Variants in MTHFD2L observed in about 807,000 individuals in gnomAD.
MTHFD2L encodes bifunctional methylenetetrahydrofolate dehydrogenase/cyclohydrolase 2, mitochondrial.
A neutral mutation model predicts 34.9 loss-of-function variants in MTHFD2L; 29 were observed. That is an observed-to-expected ratio of 0.83 (90% CI 0.62 to 1.13). The LOEUF (loss-of-function observed/expected upper bound fraction) is 1.13. Among genes scored for constraint, MTHFD2L ranks in the 50% most tolerant of loss-of-function variants. The pLI is 0.00. For synonymous variants in MTHFD2L, 167 were observed against 155.7 expected, an observed-to-expected ratio of 1.07 and a Z score of -0.54; for missense variants, 481 against 446.5, an observed-to-expected ratio of 1.08 and a Z score of -0.70.
chr4:74,141,732 T>C (rs1723284336), intron 1 of MTHFD2L, among the ~76,000 whole-genome samples: 1 of 152,188 alleles, frequency 6.6e-6, no homozygotes, highest in South Asian at 2.1e-4. Context: ...ATTATTCTTG[T>C]AACTAAAGGG....
chr4:74,166,088 T>C (rs963191464), intron 1 of MTHFD2L, among the ~76,000 whole-genome samples: 3 of 152,244 alleles, frequency 2.0e-5, no homozygotes, highest in African/African-American at 7.2e-5. Context: ...TTCTCAGACA[T>C]TGAACTATTT....
At position 74,150,497 on chromosome 4, in the gene MTHFD2L, G is replaced by T. The variant is rs556285414; in HGVS notation, c.-296-9558G>T. Among the ~76,000 whole-genome samples the T allele has an allele frequency of 9.5e-4, 144 of 152,202 alleles. 4 individuals carry two copies. The South Asian group carries it at 0.018, about 19-fold the overall frequency. On this transcript the variant is annotated intron_variant, in intron 1 of 7. Transcript: ENST00000433372. ...TCAAACTGCCGACCTCGGGTGATCC[G>T]CCCGCCTAGGCTTCCCAAAGTCCTG... is the stretch of plus-strand genomic sequence containing the variant.
chr4:74,234,026 A>G (rs183236873), intron 6 of MTHFD2L, among the ~76,000 whole-genome samples: 4 of 152,182 alleles, frequency 2.6e-5, no homozygotes, highest in Admixed American at 2.6e-4. Flanking sequence ...AATTTATATC[A>G]AAGATCTTTC....
At chr4:74,189,846 A>T (rs1040909913) in intron 3 of MTHFD2L, among the ~76,000 whole-genome samples, 3 of 151,984 alleles carry the variant, frequency 2.0e-5, no homozygotes, top group Non-Finnish European at 2.9e-5. Flanking sequence ...AAATGATGAC[A>T]AAGCATTTAC....
intron 1 of MTHFD2L, among the ~76,000 whole-genome samples, chr4:74,126,900 T>A (rs531210674): frequency 6.6e-6 from 1 of 152,216 alleles, no homozygotes; most frequent in East Asian, 1.9e-4. Flanking sequence ...GTTCCCATAA[T>A]CCCCATGTGT....
At chr4:74,285,011 T>G (rs1747980790) in intron 7 of MTHFD2L, among the ~76,000 whole-genome samples, 1 of 152,014 alleles carries the variant, frequency 6.6e-6, no homozygotes, top group African/African-American at 2.4e-5. Context: ...TATGCAGCCA[T>G]AAAAAAGGAT....
intron 1 of MTHFD2L, among the ~76,000 whole-genome samples, chr4:74,129,254 T>A (rs1466679533): frequency 6.6e-6 from 1 of 152,102 alleles, no homozygotes; most frequent in African/African-American, 2.4e-5. Context: ...CTAATAGACA[T>A]CCACAGAACT....
chr4:74,225,233 TG>T, intron 5 of MTHFD2L, 68 bp from the exon 6 acceptor site: 1 of 1,169,760 alleles, frequency 8.5e-7, no homozygotes, highest in Non-Finnish European at 1.3e-6. Flanking sequence ...GAAACTCTTC[TG>T]GATTTAGAGC....
chr4:74,177,191 CTT>C (rs1211420916), intron 3 of MTHFD2L, among the ~76,000 whole-genome samples: 1 of 151,850 alleles, frequency 6.6e-6, no homozygotes, highest in African/African-American at 2.4e-5. Flanking sequence ...GTGCAGCACT[CTT>C]ATATCATAGG....
intron 6 of MTHFD2L, among the ~76,000 whole-genome samples, chr4:74,269,263 G>A (rs1745669201): frequency 6.6e-6 from 1 of 152,006 alleles, no homozygotes; most frequent in South Asian, 2.1e-4. Context: ...ATTAGCTTGG[G>A]GGGAAAAAAC....
chr4:74,254,028 C>A (rs375772793), intron 6 of MTHFD2L, among the ~76,000 whole-genome samples: 1 of 152,122 alleles, frequency 6.6e-6, no homozygotes, highest in Non-Finnish European at 1.5e-5. Flanking sequence ...GAGGTCCATG[C>A]CTTCAGATCC....
chr4:74,288,972 T>C (rs1231016402), intron 7 of MTHFD2L, among the ~76,000 whole-genome samples: 1 of 152,240 alleles, frequency 6.6e-6, no homozygotes, highest in Non-Finnish European at 1.5e-5. Context: ...TGATTATTAC[T>C]GTTTTTAGTG....
chr4:74,301,412 G>A (rs560372391), intron 7 of MTHFD2L, among the ~76,000 whole-genome samples: 8 of 151,944 alleles, frequency 5.3e-5, no homozygotes, highest in Non-Finnish European at 7.4e-5. Flanking sequence ...GTCAATCATG[G>A]GTTTCATTAT....
At chr4:74,191,825 A>AG (rs1312612037) in intron 3 of MTHFD2L, among the ~76,000 whole-genome samples, 1 of 151,910 alleles carries the variant, frequency 6.6e-6, no homozygotes, top group Non-Finnish European at 1.5e-5. Context: ...CCAAAGTGCT[A>AG]GGATTACAGG....
At chr4:74,179,127 C>T (rs1729612810) in intron 3 of MTHFD2L, among the ~76,000 whole-genome samples, 1 of 151,986 alleles carries the variant, frequency 6.6e-6, no homozygotes, top group African/African-American at 2.4e-5. Context: ...AGTGAATTGA[C>T]CAGTATTACC....
chr4:74,268,663 A>T (rs1332205650), intron 6 of MTHFD2L, among the ~76,000 whole-genome samples: 1 of 152,204 alleles, frequency 6.6e-6, no homozygotes, highest in Non-Finnish European at 1.5e-5. Flanking sequence ...CATTTCATGA[A>T]GAGTTACAGA....
intron 1 of MTHFD2L, among the ~76,000 whole-genome samples, chr4:74,159,073 G>T (rs577828943): frequency 6.6e-6 from 1 of 152,136 alleles, no homozygotes; most frequent in African/African-American, 2.4e-5. Context: ...TCGAGTTTTT[G>T]TATCCGCCAG....
Position 74,159,960 on chromosome 4 carries a change from C to T in MTHFD2L, c.143+1679C>T, listed in dbSNP as rs540087190. ...ACCATCTCTGAAGGTGAGGTTGGCC[C>T]CAAGGTTGAGAAACACCTGTGGACT... On this transcript the variant is annotated intron_variant, in intron 1 of 7. Coordinates refer to ENST00000325278, the MANE Select transcript of MTHFD2L (RefSeq NM_001144978.3). The T allele has an allele frequency of 1.5e-5, 12 of 807,226 alleles. No homozygotes were observed. In the East Asian group the frequency reaches 7.9e-4, roughly 53 times the overall value. The allele number at this position is 807,226 out of a possible 1,614,324, so 50.0% of individuals were successfully genotyped here. A position where few individuals can be genotyped will look rare whatever the true frequency, so the allele number is the denominator to read the frequency against.
At chr4:74,297,437 CAT>C (rs2110328733) in intron 7 of MTHFD2L, among the ~76,000 whole-genome samples, 1 of 152,102 alleles carries the variant, frequency 6.6e-6, no homozygotes, top group East Asian at 1.9e-4. Flanking sequence ...ACCTCATTCC[CAT>C]ATATACCAAA....
Sources: gnomAD v4.1 joint callset for allele counts (sites outside exome capture counted in the v4.1 genomes callset) on GRCh38, gnomAD v4.1.1 for gene constraint, MANE v1.5 for transcripts, NCBI Gene and HGNC (gene_info 2026-07-23, HGNC 2026-07-21) for gene names.